Variants in ECRG4 observed in about 807,000 individuals in gnomAD.
The protein encoded by ECRG4 is ECRG4 augurin precursor, also known as augurin.
Under a neutral mutation model 15.8 loss-of-function variants are expected in ECRG4, and 18 were observed. That is an observed-to-expected ratio of 1.14 (90% CI 0.79 to 1.69). The LOEUF (loss-of-function observed/expected upper bound fraction) is 1.69, where lower values mean the gene tolerates loss of function less well. Ranked by LOEUF, ECRG4 falls within the 40% of genes most tolerant of loss-of-function variation. The pLI is 0.00. For synonymous variants in ECRG4, 82 were observed against 73.9 expected, an observed-to-expected ratio of 1.11 and a Z score of -0.56; for missense variants, 200 against 190.9, an observed-to-expected ratio of 1.05 and a Z score of -0.28.
At chr2:106,067,920 G>A (rs1441272080) in intron 1 of ECRG4, among the ~76,000 whole-genome samples, 2 of 149,104 alleles carry the variant, frequency 1.3e-5, no homozygotes, top group African/African-American at 4.9e-5. Context: ...CTGCAGCCTT[G>A]ATCTCCCGGA....
chr2:106,076,523 T>A (rs1573364931), intron 3 of ECRG4, among the ~76,000 whole-genome samples: 1 of 152,226 alleles, frequency 6.6e-6, no homozygotes, highest in South Asian at 2.1e-4. Context: ...GAAATTGGAA[T>A]CATGCTCTTT....
At chr2:106,074,969 A>C (rs1331655412) in intron 3 of ECRG4, among the ~76,000 whole-genome samples, 3 of 152,126 alleles carry the variant, frequency 2.0e-5, no homozygotes, top group Non-Finnish European at 2.9e-5. Context: ...TTTCCTTCAC[A>C]TTTCCAACCA....
In ECRG4 at chr2:106,077,918, GA is replaced by G; in HGVS notation, c.440del (p.Asp147AlafsTer59). On this transcript the variant is annotated frameshift_variant, in exon 4 of 4. Transcript: ENST00000238044. LOFTEE classifies it high-confidence loss of function. Reference sequence around the variant, plus strand: ...GCATGGAGCCAGCGTCAACTACGATGACTACTAACCATGACTTGCCACACGC... The same window carrying G: ...GCATGGAGCCAGCGTCAACTACGATGCTACTAACCATGACTTGCCACACGC... ...FRHGASVNYD[D>X]Y The G allele has an allele frequency of 6.2e-7, 1 of 1,613,972 alleles. No individual in the cohort carries two copies. Among genetic ancestry groups the G allele is most frequent in the Non-Finnish European group, 8.5e-7 (1 of 1,179,988 alleles).
At chr2:106,069,107 C>CTTTTT (rs1558655605) in intron 1 of ECRG4, among the ~76,000 whole-genome samples, 4 of 131,410 alleles carry the variant, frequency 3.0e-5, no homozygotes, top group African/African-American at 1.1e-4. Flanking sequence ...TTCCTTCCTT[C>CTTTTT]CTTCTTTTTC....
chr2:106,073,993 G>T lies in ECRG4; in HGVS notation c.235G>T (p.Glu79Ter). The T allele has an allele frequency of 6.2e-7, 1 of 1,613,998 alleles. No individual in the cohort carries two copies. The highest frequency in any genetic ancestry group is 1.1e-5 in the South Asian group (1 of 91,070). ...KRQLWDRTRP[E>*]VQQWYQQFLY... Reference sequence around the variant, plus strand: ...GCAGCTGTGGGACCGGACTCGGCCCGAGGTGCAGCAGTGGTACCAGCAGTT... The same window carrying T: ...GCAGCTGTGGGACCGGACTCGGCCCTAGGTGCAGCAGTGGTACCAGCAGTT... The change falls in exon 3 of 4, where the codon GAG (glutamate) becomes TAG (stop). Residue 79 changes from glutamate (E) to a stop codon, truncating the protein, a stop_gained. Transcript: ENST00000238044. LOFTEE classifies it high-confidence loss of function.
intron 3 of ECRG4, among the ~76,000 whole-genome samples, chr2:106,076,438 G>A (rs541967765): frequency 9.2e-5 from 14 of 152,260 alleles, no homozygotes; most frequent in South Asian, 6.2e-4. Flanking sequence ...CAAAGAAGTC[G>A]GTGTCCTCCT....
chr2:106,066,251 C>G (rs954883117), intron 1 of ECRG4, among the ~76,000 whole-genome samples: 4 of 152,250 alleles, frequency 2.6e-5, no homozygotes, highest in Non-Finnish European at 4.4e-5. Context: ...AGTCGCTTAG[C>G]AACCAAGTTG....
chr2:106,073,317 G>A (rs527849030), intron 2 of ECRG4, among the ~76,000 whole-genome samples: 18 of 152,340 alleles, frequency 1.2e-4, no homozygotes, highest in Admixed American at 8.5e-4. Context: ...ACTGTGAGGC[G>A]CAGAGAGGCA....
chr2:106,068,026 A>G (rs1278989558), intron 1 of ECRG4, among the ~76,000 whole-genome samples: 1 of 146,896 alleles, frequency 6.8e-6, no homozygotes, highest in African/African-American at 2.5e-5. Flanking sequence ...TTTAATTTTT[A>G]GTAGAGATGA....
chr2:106,069,206 TA>T (rs1363572121), intron 1 of ECRG4, among the ~76,000 whole-genome samples: 29 of 150,180 alleles, frequency 1.9e-4, no homozygotes, highest in Non-Finnish European at 2.9e-4. Context: ...CTTTCTTTTT[TA>T]TTTTCTTTTC....
At chr2:106,064,929 G>A (rs1280860396), upstream of ECRG4, among the ~76,000 whole-genome samples, 1 of 152,056 alleles carries the variant, frequency 6.6e-6, no homozygotes, top group African/African-American at 2.4e-5. Flanking sequence ...GCAGTTCTGC[G>A]TTTCCCTTGG....
chr2:106,077,393 G>A (rs1250566748), intron 3 of ECRG4, among the ~76,000 whole-genome samples: 2 of 152,216 alleles, frequency 1.3e-5, no homozygotes, highest in Non-Finnish European at 2.9e-5. Flanking sequence ...GGGGTAGGAA[G>A]ATAAGACAGT....
chr2:106,075,620 A>T (rs1306263750), intron 3 of ECRG4, among the ~76,000 whole-genome samples: 4 of 152,094 alleles, frequency 2.6e-5, no homozygotes, highest in Admixed American at 6.5e-5. Context: ...TACTCAGGGG[A>T]CTGAGACAGG....
intron 3 of ECRG4, 71 bp from the exon 4 acceptor site, chr2:106,077,694 G>A: frequency 7.3e-7 from 1 of 1,366,656 alleles, no homozygotes; most frequent in Non-Finnish European, 1.0e-6. Context: ...AAAAGCCATA[G>A]GTAAGATTAG....
upstream of ECRG4, among the ~76,000 whole-genome samples, chr2:106,065,172 G>A (rs1676179571): frequency 6.6e-6 from 1 of 152,084 alleles, no homozygotes; most frequent in African/African-American, 2.4e-5. Context: ...GAGCAGCTCT[G>A]AACTAAGGAA....
At chr2:106,069,526 G>A (rs1385861058) in intron 1 of ECRG4, among the ~76,000 whole-genome samples, 3 of 151,914 alleles carry the variant, frequency 2.0e-5, no homozygotes, top group Admixed American at 6.6e-5. Flanking sequence ...GTAGGGACGG[G>A]GTTTCACCAA....
chr2:106,064,850 G>A (rs1676169717), upstream of ECRG4, among the ~76,000 whole-genome samples: 1 of 152,186 alleles, frequency 6.6e-6, no homozygotes, highest in African/African-American at 2.4e-5. Flanking sequence ...GGATAAAGTT[G>A]TTCTAGTTTT....
chr2:106,072,990 C>T (rs1161551996), intron 2 of ECRG4, among the ~76,000 whole-genome samples: 1 of 152,212 alleles, frequency 6.6e-6, no homozygotes, highest in African/African-American at 2.4e-5. Flanking sequence ...GTGTTACAAT[C>T]CCTCAAGGGA....
intron 3 of ECRG4, among the ~76,000 whole-genome samples, chr2:106,076,897 C>T (rs1676499967): frequency 6.6e-6 from 1 of 152,184 alleles, no homozygotes; most frequent in African/African-American, 2.4e-5. Flanking sequence ...ATGTCCTGAG[C>T]ATCAGCACAC....
Sources: gnomAD v4.1 joint callset for allele counts (sites outside exome capture counted in the v4.1 genomes callset) on GRCh38, gnomAD v4.1.1 for gene constraint, MANE v1.5 for transcripts, NCBI Gene and HGNC (gene_info 2026-07-23, HGNC 2026-07-21) for gene names.